The following CEP63 variants were observed in gnomAD, a reference collection of about 807,000 sequenced individuals.
CEP63 encodes the protein centrosomal protein of 63 kDa.
In CEP63, 84 loss-of-function variants were observed where a neutral mutation model predicts 89.1. The ratio of observed to expected loss-of-function variants is 0.94; its 90% CI spans 0.79 to 1.13. The LOEUF (loss-of-function observed/expected upper bound fraction) is 1.13, where lower values mean the gene tolerates loss of function less well. CEP63 is among the 50% of genes most tolerant of loss of function. The pLI, the probability that CEP63 is intolerant of heterozygous loss-of-function variation, is 0.00. For missense variants in CEP63, 838 were observed against 813.3 expected, an observed-to-expected ratio of 1.03 and a Z score of -0.37; for synonymous variants, 267 against 272.5, an observed-to-expected ratio of 0.98 and a Z score of 0.20.
chr3:134,604,488 G>A, the CEP63 span: 7 of 1,592,176 alleles, frequency 4.4e-6, 1 homozygote, highest in South Asian at 6.8e-5. Flanking sequence ...AGGAGAGAAA[G>A]TCAGGGTCAG....
intron 2 of CEP63, among the ~76,000 whole-genome samples, chr3:134,499,238 C>T (rs1941202000): frequency 6.6e-6 from 1 of 152,136 alleles, no homozygotes; most frequent in East Asian, 1.9e-4. Flanking sequence ...TTCAGGTTTT[C>T]TAATTCTTCC....
the CEP63 span, among the ~76,000 whole-genome samples, chr3:134,594,479 G>A: frequency 1.3e-5 from 2 of 152,012 alleles, no homozygotes; most frequent in Middle Eastern, 3.2e-3. Flanking sequence ...TGCTCAGGGC[G>A]GGCGGATTCC....
At chr3:134,584,956 G>GTTTTTTTTTTTTGTTT (rs1553799205) in intron 10 of CEP63, among the ~76,000 whole-genome samples, 2 of 36,034 alleles carry the variant, frequency 5.6e-5, no homozygotes, top group Admixed American at 7.7e-4. Context: ...ATTTTCTAGG[G>GTTTTTTTTTTTTGTTT]TTTTTTTTTT....
At chr3:134,510,851 C>T (rs1303532346) in intron 3 of CEP63, 2 of 278,646 alleles carry the variant, frequency 7.2e-6, no homozygotes, top group Non-Finnish European at 1.4e-5. Flanking sequence ...GCTGTATTAA[C>T]TCCTTCAAGG....
intron 1 of CEP63, among the ~76,000 whole-genome samples, chr3:134,494,524 T>C (rs1209935652): frequency 6.6e-6 from 1 of 151,706 alleles, no homozygotes; most frequent in Admixed American, 6.6e-5. Context: ...AGAGGGTAGG[T>C]AAAAGAGGGA....
the CEP63 span, among the ~76,000 whole-genome samples, chr3:134,738,539 G>A: frequency 1.3e-5 from 2 of 152,174 alleles, no homozygotes; most frequent in South Asian, 4.1e-4. Context: ...AATATCATAT[G>A]TTGTCACTGA....
At chr3:134,765,383 C>A in the CEP63 span, among the ~76,000 whole-genome samples, 1 of 152,174 alleles carries the variant, frequency 6.6e-6, no homozygotes, top group Non-Finnish European at 1.5e-5. Context: ...GACAGAGCAG[C>A]TATGAGGATA....
chr3:134,504,777 T>C (rs943000221), intron 2 of CEP63, among the ~76,000 whole-genome samples: 3 of 152,174 alleles, frequency 2.0e-5, no homozygotes, highest in Non-Finnish European at 4.4e-5. Flanking sequence ...ATATGCCATG[T>C]AGGCTTTCTT....
chr3:134,486,000 C>CCT, upstream of CEP63: 7 of 965,842 alleles, frequency 7.2e-6, no homozygotes, highest in Non-Finnish European at 8.6e-6. Flanking sequence ...CGCCCCCCCC[C>CCT]CCTCCCCCGC....
the CEP63 span, among the ~76,000 whole-genome samples, chr3:134,654,032 G>A: frequency 6.6e-6 from 1 of 152,196 alleles, no homozygotes; most frequent in African/African-American, 2.4e-5. Flanking sequence ...TAATCAAAAT[G>A]AGTGGGAATT....
At chr3:134,658,180 G>A in the CEP63 span, among the ~76,000 whole-genome samples, 1 of 152,218 alleles carries the variant, frequency 6.6e-6, no homozygotes, top group African/African-American at 2.4e-5. Context: ...ACAGGCATGA[G>A]CCACTGCGCC....
chr3:134,503,499 G>A (rs955655986), intron 2 of CEP63, among the ~76,000 whole-genome samples: 3 of 152,138 alleles, frequency 2.0e-5, no homozygotes, highest in Non-Finnish European at 2.9e-5. Context: ...TACATGAAAT[G>A]TTCTATAAAT....
chr3:134,565,541 A>G (rs186484163), downstream of CEP63, among the ~76,000 whole-genome samples: 14 of 152,326 alleles, frequency 9.2e-5, no homozygotes, highest in East Asian at 2.5e-3. Context: ...AAATGTAGAA[A>G]AAGTTAGAAA....
At chr3:134,641,191 C>A in the CEP63 span, 1 of 152,226 alleles carries the variant, frequency 6.6e-6, no homozygotes, top group East Asian at 1.9e-4. Context: ...CTCAGTGAGG[C>A]CTTTCTCACC....
chr3:134,632,475 G>T, the CEP63 span, among the ~76,000 whole-genome samples: 2 of 151,944 alleles, frequency 1.3e-5, no homozygotes, highest in African/African-American at 2.4e-5. Flanking sequence ...AAATGTCCAA[G>T]TATTAAAAAT....
downstream of CEP63, among the ~76,000 whole-genome samples, chr3:134,578,339 T>G (rs76383034): frequency 7.2e-6 from 1 of 138,200 alleles, no homozygotes; most frequent in South Asian, 2.3e-4. Context: ...TTTTTTTTTT[T>G]TTTTTTTTGA....
chr3:134,739,658 A>C, the CEP63 span, among the ~76,000 whole-genome samples: 1 of 152,144 alleles, frequency 6.6e-6, no homozygotes, highest in African/African-American at 2.4e-5. Flanking sequence ...TATGTACAAT[A>C]TGATACCATG....
At chr3:134,677,969 C>T in the CEP63 span, among the ~76,000 whole-genome samples, 1 of 151,908 alleles carries the variant, frequency 6.6e-6, no homozygotes, top group Non-Finnish European at 1.5e-5. Context: ...CTCCAGTCTT[C>T]TCCCCTCCAG....
At position 134,545,837 on chromosome 3, in the gene CEP63, T is replaced by C; in HGVS notation, c.789+18T>C. The C allele has an allele frequency of 6.4e-7, 1 of 1,556,196 alleles. No individual in the cohort carries two copies. Among genetic ancestry groups the C allele is most frequent in the African/African-American group, 1.4e-5 (1 of 73,528 alleles). On this transcript the variant is annotated intron_variant, in intron 7 of 14. Transcript: ENST00000675561. ...TATTAGAGGTATGTTTTAAAATCAC[T>C]ATAATTGGGGGAAGTGTGTGTATGA...
Sources: gnomAD v4.1 joint callset for allele counts (sites outside exome capture counted in the v4.1 genomes callset) on GRCh38, gnomAD v4.1.1 for gene constraint, MANE v1.5 for transcripts, NCBI Gene and HGNC (gene_info 2026-07-23, HGNC 2026-07-21) for gene names.